Variants in LSAMP observed in about 807,000 individuals in gnomAD.
LSAMP encodes the protein limbic system associated membrane protein, also known as limbic system-associated membrane protein.
A neutral mutation model predicts 38.6 loss-of-function variants in LSAMP; 7 were observed. That is an observed-to-expected ratio of 0.18 (90% CI 0.10 to 0.34). LSAMP has a LOEUF of 0.34. Among genes scored for constraint, LSAMP ranks in the 10% least tolerant of loss-of-function variants. The pLI is 1.00. For synonymous variants in LSAMP, 154 were observed against 166.8 expected (o/e 0.92, Z 0.59); for missense variants, 313 against 420.0 (o/e 0.75, Z 2.23).
intron 1 of LSAMP, among the ~76,000 whole-genome samples, chr3:116,353,008 A>G (rs2048162630): frequency 6.6e-6 from 1 of 152,088 alleles, no homozygotes. Flanking sequence ...AGCTTCCTCT[A>G]CAACTCATTC....
rs536808977 is a variant in LSAMP at position 116,323,378 on chromosome 3, T to C, written c.155+121499A>G. On this transcript the variant is annotated intron_variant, in intron 1 of 6. Coordinates refer to ENST00000490035, the MANE Select transcript of LSAMP (RefSeq NM_002338.5). ...CCAGCTTCTTATGAGTATCAAGTCA[T>C]GGGTTCTTTGCATGATTCAGCTTCA... Among the ~76,000 whole-genome samples the C allele has an allele frequency of 3.9e-5, 6 of 152,248 alleles. No individual in the cohort carries two copies. In the South Asian group the frequency reaches 1.0e-3, roughly 26 times the overall value.
At chr3:116,410,593 T>C (rs2048960149) in intron 1 of LSAMP, among the ~76,000 whole-genome samples, 1 of 152,092 alleles carries the variant, frequency 6.6e-6, no homozygotes, top group Non-Finnish European at 1.5e-5. Flanking sequence ...AAACTTTTCA[T>C]AGCAAAATTC....
chr3:115,880,380 T>C (rs2944424), intron 3 of LSAMP, among the ~76,000 whole-genome samples: 31,996 of 152,130 alleles, frequency 0.21, 4,801 homozygotes, highest in African/African-American at 0.43. Context: ...TCCTTTAAAT[T>C]TATAATTTAC....
intron 1 of LSAMP, among the ~76,000 whole-genome samples, chr3:116,179,267 C>G (rs1710428064): frequency 6.6e-6 from 1 of 152,098 alleles, no homozygotes; most frequent in South Asian, 2.1e-4. Context: ...TGGTCACTTC[C>G]TCAAATAATT....
intron 3 of LSAMP, among the ~76,000 whole-genome samples, chr3:115,945,948 G>A (rs969518924): frequency 7.9e-5 from 12 of 152,124 alleles, no homozygotes; most frequent in Admixed American, 1.3e-4. Flanking sequence ...AATACAATAA[G>A]AGTTTGAAAG....
At chr3:116,244,948 A>G (rs6778040) in intron 1 of LSAMP, among the ~76,000 whole-genome samples, 1 of 152,014 alleles carries the variant, frequency 6.6e-6, no homozygotes, top group Non-Finnish European at 1.5e-5. Context: ...TCTATAAGTA[A>G]AACTTCCTTT....
intron 1 of LSAMP, among the ~76,000 whole-genome samples, chr3:116,425,621 T>A (rs2107862520): frequency 6.6e-6 from 1 of 152,292 alleles, no homozygotes. Flanking sequence ...AAGTTACTCC[T>A]GTAATCTCTA....
chr3:116,027,503 C>A (rs115595928), intron 2 of LSAMP, among the ~76,000 whole-genome samples: 3 of 152,098 alleles, frequency 2.0e-5, no homozygotes, highest in Admixed American at 6.6e-5. Flanking sequence ...CAGTCAATTT[C>A]TATTGCTTAA....
At chr3:116,281,234 C>T (rs894494057) in intron 1 of LSAMP, among the ~76,000 whole-genome samples, 3 of 152,048 alleles carry the variant, frequency 2.0e-5, no homozygotes, top group African/African-American at 4.8e-5. Context: ...GTATGGATGC[C>T]GAGGAATAGA....
At chr3:115,859,741 C>T (rs922836192) in intron 3 of LSAMP, among the ~76,000 whole-genome samples, 1 of 152,170 alleles carries the variant, frequency 6.6e-6, no homozygotes, top group African/African-American at 2.4e-5. Flanking sequence ...CAGAGAGATC[C>T]AATTCATTAT....
rs59495422 is a variant in LSAMP, at chr3:115,974,907, G to T, written c.514+44608C>A. Among the ~76,000 whole-genome samples the T allele has an allele frequency of 4.0e-3, 604 of 152,244 alleles. 3 individuals are homozygous for T. The highest frequency in any genetic ancestry group is 0.012 in the African/African-American group (498 of 41,536). On this transcript the variant is annotated intron_variant, in intron 3 of 6. Coordinates refer to ENST00000490035, the MANE Select transcript of LSAMP (RefSeq NM_002338.5). The stretch of plus-strand genomic sequence containing the variant: ...CATGGCTGGGAACTCAGCTTCCAAG[G>T]TTTCTCTGGGGTCCCCTTGGCCAAG...
chr3:116,401,438 T>C (rs1237866953), intron 1 of LSAMP, among the ~76,000 whole-genome samples: 2 of 152,174 alleles, frequency 1.3e-5, no homozygotes, highest in Non-Finnish European at 2.9e-5. Context: ...CATGCCATCA[T>C]GCCCAGCTAA....
intron 1 of LSAMP, among the ~76,000 whole-genome samples, chr3:116,374,285 A>AAGAAGGTGTTCTT (rs1398691219): frequency 2.6e-5 from 4 of 151,926 alleles, no homozygotes; most frequent in African/African-American, 9.7e-5. Flanking sequence ...GTAATACAAG[A>AAGAAGGTGTTCTT]AGAAGGTGTT....
chr3:115,936,947 A>G (rs1207714791), intron 3 of LSAMP, among the ~76,000 whole-genome samples: 1 of 152,168 alleles, frequency 6.6e-6, no homozygotes, highest in Non-Finnish European at 1.5e-5. Context: ...TTAAGTGCAT[A>G]AGCTATATTA....
In LSAMP at chr3:116,367,174, C is replaced by T. The variant is rs529562114; in HGVS notation, c.155+77703G>A. On this transcript the variant is annotated intron_variant, in intron 1 of 6. Transcript: ENST00000490035. ...AGGAATAGAGAGAGACCAATAAGAT[C>T]CTATGTTTCTTGAATATGAGGCATT... Among the ~76,000 whole-genome samples the T allele has an allele frequency of 2.6e-5, 4 of 152,196 alleles. No individual in the cohort carries two copies. In the South Asian group the frequency reaches 8.3e-4, roughly 32 times the overall value.
chr3:115,905,029 G>T (rs187357019), intron 3 of LSAMP, among the ~76,000 whole-genome samples: 1 of 151,860 alleles, frequency 6.6e-6, no homozygotes, highest in Non-Finnish European at 1.5e-5. Context: ...GAGTCTTTAG[G>T]GTCCAGCACA....
At chr3:116,044,742 A>T (rs946890342) in intron 2 of LSAMP, among the ~76,000 whole-genome samples, 2 of 152,204 alleles carry the variant, frequency 1.3e-5, no homozygotes, top group African/African-American at 4.8e-5. Flanking sequence ...TCACAGCCCC[A>T]GCTGGCCAGA....
intron 1 of LSAMP, among the ~76,000 whole-genome samples, chr3:116,300,549 C>T (rs929282232): frequency 1.1e-4 from 16 of 152,190 alleles, no homozygotes; most frequent in African/African-American, 3.6e-4. Context: ...GCTCCACCTC[C>T]TGTCAGATCA....
intron 3 of LSAMP, among the ~76,000 whole-genome samples, chr3:115,956,974 T>A (rs2107587193): frequency 6.6e-6 from 1 of 152,332 alleles, no homozygotes; most frequent in African/African-American, 2.4e-5. Context: ...TTTGACTTTT[T>A]GTGAGGACCC....
Sources: gnomAD v4.1 joint callset for allele counts (sites outside exome capture counted in the v4.1 genomes callset) on GRCh38, gnomAD v4.1.1 for gene constraint, MANE v1.5 for transcripts, NCBI Gene and HGNC (gene_info 2026-07-23, HGNC 2026-07-21) for gene names.